Variants in RPGRIP1 observed in about 807,000 individuals in gnomAD.
The protein encoded by RPGRIP1 is X-linked retinitis pigmentosa GTPase regulator-interacting protein 1.
A neutral mutation model predicts 157.9 loss-of-function variants in RPGRIP1; 128 were observed. That is an observed-to-expected ratio of 0.81 (90% CI 0.70 to 0.94). The LOEUF is 0.94. Ranked by LOEUF, RPGRIP1 falls within the 40% of genes least tolerant of loss-of-function variation. RPGRIP1 has a pLI of 0.00. For missense variants in RPGRIP1, 1,486 were observed against 1,545.8 expected (o/e 0.96, Z 0.65); for synonymous variants, 554 against 571.6 (o/e 0.97, Z 0.44).
intron 2 of RPGRIP1, among the ~76,000 whole-genome samples, chr14:21,289,649 G>A (rs1337050262): frequency 6.6e-6 from 1 of 152,042 alleles, no homozygotes; most frequent in East Asian, 1.9e-4. Flanking sequence ...CAACCACTTT[G>A]GAAAATATTT....
chr14:21,294,830 ATTTTT>A lies in RPGRIP1; in HGVS notation c.218+49_218+53del, dbSNP rs746359185. On this transcript the variant is annotated intron_variant, in intron 3 of 24. Transcript: ENST00000400017. ...AAAAGGTACTTAGAGTTCTCCTTAAATTTTTTTTTTTTTTTTTTTTTTTTTTTTTT... is the reference window on the plus strand; with the variant it reads ...AAAAGGTACTTAGAGTTCTCCTTAAATTTTTTTTTTTTTTTTTTTTTTTTT... 7.1e-4 allele frequency: 555 copies of A among 776,688 alleles called. 1 individual carries two copies. Among genetic ancestry groups the A allele is most frequent in the African/African-American group, 2.8e-3 (95 of 33,768 alleles). 48.1% of individuals were successfully genotyped at this position (776,688 alleles called of 1,614,324 possible).
intron 21 of RPGRIP1, among the ~76,000 whole-genome samples, chr14:21,335,333 C>G (rs1315197550): frequency 6.6e-6 from 1 of 152,054 alleles, no homozygotes; most frequent in Non-Finnish European, 1.5e-5. Context: ...CTGAATGGTA[C>G]CCCTGCCTTT....
chr14:21,286,822 A>G (rs1880315555), intron 1 of RPGRIP1, among the ~76,000 whole-genome samples: 5 of 152,038 alleles, frequency 3.3e-5, no homozygotes, highest in Admixed American at 3.3e-4. Context: ...GAAGCTGGAG[A>G]CAAAAATTTT....
chr14:21,341,123 C>G (rs1388538863), intron 21 of RPGRIP1, among the ~76,000 whole-genome samples: 1 of 152,132 alleles, frequency 6.6e-6, no homozygotes, highest in Non-Finnish European at 1.5e-5. Context: ...ACCTCCACCT[C>G]CTAGGTTCAA....
intron 21 of RPGRIP1, 130 bp from the exon 22 acceptor site, chr14:21,342,906 G>A (rs1885161334): frequency 3.3e-6 from 2 of 597,950 alleles, no homozygotes; most frequent in Admixed American, 3.5e-5. Context: ...GATTCTCAGG[G>A]AATAATATAG....
At chr14:21,292,074 G>A (rs1052518822) in intron 2 of RPGRIP1, among the ~76,000 whole-genome samples, 5 of 151,828 alleles carry the variant, frequency 3.3e-5, no homozygotes, top group Admixed American at 6.6e-5. Flanking sequence ...TATATTTTTT[G>A]TAGAGAGGGA....
intron 10 of RPGRIP1, among the ~76,000 whole-genome samples, chr14:21,315,053 G>T (rs573886143): frequency 6.6e-6 from 1 of 151,422 alleles, no homozygotes; most frequent in Non-Finnish European, 1.5e-5. Flanking sequence ...GCATGGTGGC[G>T]TGCATCTGTA....
intron 1 of RPGRIP1, among the ~76,000 whole-genome samples, chr14:21,281,203 A>G (rs1566663102): frequency 6.6e-6 from 1 of 151,948 alleles, no homozygotes; most frequent in Non-Finnish European, 1.5e-5. Flanking sequence ...TTTTTAGTAG[A>G]GACAGGGTTT....
At chr14:21,289,024 A>T (rs1355224235) in intron 2 of RPGRIP1, among the ~76,000 whole-genome samples, 1 of 152,050 alleles carries the variant, frequency 6.6e-6, no homozygotes, top group Non-Finnish European at 1.5e-5. Context: ...CTTCTTCCAC[A>T]CATTATTTAA....
intron 8 of RPGRIP1, chr14:21,311,065 C>T (rs1227823441): frequency 2.2e-5 from 9 of 413,842 alleles, no homozygotes; most frequent in South Asian, 7.0e-5. Flanking sequence ...GAGTTCCAAA[C>T]GAGACCACCC....
chr14:21,348,065 G>C (rs902292124), intron 23 of RPGRIP1, 107 bp from the exon 24 acceptor site: 39 of 955,802 alleles, frequency 4.1e-5, no homozygotes, highest in Admixed American at 7.7e-5. Flanking sequence ...CAAGGGAAAA[G>C]TGATTCAGAG....
chr14:21,327,441 C>T (rs1307626752), intron 17 of RPGRIP1, among the ~76,000 whole-genome samples, 182 bp from the exon 18 acceptor site: 1 of 152,182 alleles, frequency 6.6e-6, no homozygotes, highest in African/African-American at 2.4e-5. Context: ...AATATTCTAA[C>T]TGCACTGCTG....
chr14:21,338,263 T>C (rs112980489), intron 21 of RPGRIP1, among the ~76,000 whole-genome samples: 4,185 of 152,294 alleles, frequency 0.027, 192 homozygotes, highest in African/African-American at 0.095. Flanking sequence ...TCATTTTCAT[T>C]TGCTCTATGG....
At chr14:21,291,673 C>T (rs955381040) in intron 2 of RPGRIP1, among the ~76,000 whole-genome samples, 1 of 151,980 alleles carries the variant, frequency 6.6e-6, no homozygotes, top group South Asian at 2.1e-4. Context: ...CTCTGCCTCC[C>T]AAGGCTCAAG....
At chr14:21,292,824 T>C (rs1480745778) in intron 2 of RPGRIP1, among the ~76,000 whole-genome samples, 1 of 151,670 alleles carries the variant, frequency 6.6e-6, no homozygotes, top group African/African-American at 2.4e-5. Context: ...CACTCCAGCC[T>C]GGGCAACAGT....
chr14:21,320,139 A>G lies in RPGRIP1; in HGVS notation c.1429A>G (p.Thr477Ala). The change falls in exon 12 of 25, where the codon ACT becomes GCT. Residue 477 changes from threonine to alanine, a missense_variant. Transcript: ENST00000400017. ...TCCTGACAGGCAATCTGAACCAGCC[A>G]CTCACCCAGCTGTATTGCAAGAGAA... is the stretch of plus-strand genomic sequence containing the variant. ...QPPDRQSEPA[T>A]HPAVLQENTQ... 1 of 1,613,848 alleles carries G rather than the reference A, an allele frequency of 6.2e-7. No homozygotes were observed. The highest frequency in any genetic ancestry group is 1.3e-5 in the African/African-American group (1 of 75,010).
At chr14:21,290,897 A>AG (rs1290757699) in intron 2 of RPGRIP1, among the ~76,000 whole-genome samples, 1 of 149,660 alleles carries the variant, frequency 6.7e-6, no homozygotes, top group African/African-American at 2.5e-5. Context: ...AGTATTTGGG[A>AG]GGCTGAGGCA....
chr14:21,312,368 A>G lies in RPGRIP1; in HGVS notation c.1078-65A>G, dbSNP rs1881575048. On this transcript the variant is annotated intron_variant, in intron 9 of 24. Coordinates refer to ENST00000400017, the MANE Select transcript of RPGRIP1 (RefSeq NM_020366.4). ...ACCCACGCCCCTCCCTGCCATGGAC[A>G]GGGGAAATCCTGTGCAGGGGAATAG... is the stretch of plus-strand genomic sequence containing the variant. 14 of 1,133,518 alleles carry G rather than the reference A, an allele frequency of 1.2e-5. No individual in the cohort carries two copies. The South Asian group carries it at 2.0e-4, about 16-fold the overall frequency. The allele number at this position is 1,133,518 out of a possible 1,614,324, so 70.2% of individuals were successfully genotyped here. A position where few individuals can be genotyped will look rare whatever the true frequency, so the allele number is the denominator to read the frequency against.
intron 21 of RPGRIP1, among the ~76,000 whole-genome samples, chr14:21,341,977 G>T (rs1010837529): frequency 4.2e-4 from 64 of 151,826 alleles, no homozygotes; most frequent in Admixed American, 3.3e-3. Context: ...GGGAACCCGG[G>T]AAGAAGAGCT....
Sources: allele counts gnomAD v4.1 joint callset (sites outside exome capture counted in the v4.1 genomes callset), GRCh38; gene constraint gnomAD v4.1.1; transcripts MANE v1.5; gene names NCBI Gene and HGNC (gene_info 2026-07-23, HGNC 2026-07-21).